CTSO: variants seen among roughly 807,000 people sequenced by gnomAD.
CTSO encodes the protein cathepsin O.
CTSO carries 40 observed loss-of-function variants against 42.4 expected under a neutral mutation model. That is an observed-to-expected ratio of 0.94 (90% confidence interval 0.73 to 1.23). CTSO has a LOEUF of 1.23. CTSO is among the 50% of genes most tolerant of loss of function. The pLI is 0.00. For missense variants in CTSO, 441 were observed against 396.0 expected (o/e 1.11, Z -0.96); for synonymous variants, 156 against 146.2 (o/e 1.07, Z -0.48).
chr4:155,940,846 A>G (rs1198207816), intron 3 of CTSO, among the ~76,000 whole-genome samples: 3 of 151,838 alleles, frequency 2.0e-5, no homozygotes, highest in African/African-American at 4.8e-5. Flanking sequence ...CCGTCTCAAA[A>G]AAAAAAAAGA....
chr4:155,935,851 GAGTTTAATCTTCAATATAAACAAGAT>G (rs1743320363), intron 5 of CTSO, among the ~76,000 whole-genome samples: 1 of 152,142 alleles, frequency 6.6e-6, no homozygotes, highest in African/African-American at 2.4e-5. Context: ...TGCACTGTTA[GAGTTTAATCTTCAATATAAACAAGAT>G]ATTTTGATTG....
chr4:155,934,633 G>A (rs764273522), intron 5 of CTSO, among the ~76,000 whole-genome samples: 3 of 152,218 alleles, frequency 2.0e-5, no homozygotes, highest in Non-Finnish European at 2.9e-5. Context: ...TGACTTGGAT[G>A]TGAGATCTGG....
chr4:155,924,176 G>C lies in CTSO; in HGVS notation c.*1860C>G, dbSNP rs1458243602. 2 of 152,162 alleles carry C rather than the reference G, an allele frequency of 1.3e-5. No homozygotes were observed. Among genetic ancestry groups the C allele is most frequent in the African/African-American group, 4.8e-5 (2 of 41,444 alleles). 9.4% of individuals were successfully genotyped at this position (152,162 alleles called of 1,614,324 possible). On this transcript the variant is annotated 3_prime_UTR_variant, in exon 8 of 8. Coordinates refer to ENST00000433477, the MANE Select transcript of CTSO (RefSeq NM_001334.3). Reference sequence around the variant, plus strand: ...TTATTGTAAATGTCATCAAAATCCAGAACAGCAGAAACATATTAATCAGTT... The same window carrying C: ...TTATTGTAAATGTCATCAAAATCCACAACAGCAGAAACATATTAATCAGTT...
intron 4 of CTSO, among the ~76,000 whole-genome samples, chr4:155,938,696 G>T (rs1743373712): frequency 6.6e-6 from 1 of 152,114 alleles, no homozygotes; most frequent in African/African-American, 2.4e-5. Context: ...GGAGGCTGAG[G>T]CGGGTGGATC....
At chr4:155,948,448 AAT>A (rs1743586886) in intron 1 of CTSO, among the ~76,000 whole-genome samples, 1 of 152,002 alleles carries the variant, frequency 6.6e-6, no homozygotes, top group African/African-American at 2.4e-5. Context: ...ATTTAAATGT[AAT>A]ATGTTTCTAA....
intron 1 of CTSO, among the ~76,000 whole-genome samples, chr4:155,943,926 T>G (rs1329963809): frequency 1.3e-5 from 2 of 152,222 alleles, no homozygotes; most frequent in African/African-American, 2.4e-5. Flanking sequence ...TAAGCTTATC[T>G]TTTATATATA....
intron 1 of CTSO, among the ~76,000 whole-genome samples, chr4:155,946,877 A>G (rs62326189): frequency 1.3e-4 from 20 of 152,138 alleles, no homozygotes; most frequent in Non-Finnish European, 2.6e-4. Context: ...TATTATTTTG[A>G]GGCGGATTCT....
At chr4:155,952,663 CG>C (rs1035188035) in intron 1 of CTSO, among the ~76,000 whole-genome samples, 2 of 152,108 alleles carry the variant, frequency 1.3e-5, no homozygotes, top group African/African-American at 4.8e-5. Context: ...TTGGACAAAA[CG>C]TAAGAGTGGA....
At position 155,925,986 on chromosome 4, in the gene CTSO, C is replaced by A. The variant is rs746480083; in HGVS notation, c.*50G>T. 78 of 1,499,382 alleles carry A rather than the reference C, an allele frequency of 5.2e-5. No homozygotes were observed. The South Asian group carries it at 8.3e-4, about 16-fold the overall frequency. 92.9% of individuals were successfully genotyped at this position (1,499,382 alleles called of 1,614,324 possible). Reference sequence around the variant, plus strand: ...TACTTTGAAGTACTATGTTACATTGCATTATGAAAACCTTCATTTTTGTAG... The same window carrying A: ...TACTTTGAAGTACTATGTTACATTGAATTATGAAAACCTTCATTTTTGTAG... On this transcript the variant is annotated 3_prime_UTR_variant, in exon 8 of 8. Coordinates refer to ENST00000433477, the MANE Select transcript of CTSO (RefSeq NM_001334.3).
At chr4:155,927,972 G>A (rs1449571477) in intron 7 of CTSO, among the ~76,000 whole-genome samples, 2 of 152,016 alleles carry the variant, frequency 1.3e-5, no homozygotes, top group East Asian at 3.9e-4. Context: ...TTATAATACA[G>A]AAATTAAGAA....
rs984773235 is a variant in CTSO, at chr4:155,953,863, C to T, written c.-16G>A. 5 of 1,264,810 alleles carry T rather than the reference C, an allele frequency of 4.0e-6. No homozygotes were observed. Among genetic ancestry groups the T allele is most frequent in the Admixed American group, 8.4e-5 (2 of 23,814 alleles). The allele number at this position is 1,264,810 out of a possible 1,614,324, so 78.3% of individuals were successfully genotyped here. ...GCACGTCCATTGCGGCGCCCGGCTC[C>T]TCTGCCGCCCGCGCGGCCTGTTTTC... On this transcript the variant is annotated 5_prime_UTR_variant, in exon 1 of 8. Coordinates refer to ENST00000433477, the MANE Select transcript of CTSO (RefSeq NM_001334.3).
At chr4:155,930,335 A>G (rs1425863634) in intron 5 of CTSO, among the ~76,000 whole-genome samples, 1 of 152,244 alleles carries the variant, frequency 6.6e-6, no homozygotes, top group East Asian at 1.9e-4. Context: ...TGGCTAATAT[A>G]ATTATACAAT....
chr4:155,948,373 T>TTG lies in CTSO; in HGVS notation c.136-5111_136-5110dup, dbSNP rs55984712. Among the ~76,000 whole-genome samples the TTG allele has an allele frequency of 8.2e-3, 1,243 of 151,072 alleles. 11 individuals are homozygous for TTG. The highest frequency in any genetic ancestry group is 0.026 in the African/African-American group (1,081 of 41,124). On this transcript the variant is annotated intron_variant, in intron 1 of 7. Transcript: ENST00000433477. ...GAGGTAGAATCTCTTAAAGCTGCCT[T>TTG]TGTGTGTGTGTGTGTGTGTGTGTGT...
intron 1 of CTSO, 90 bp from the exon 2 acceptor site, chr4:155,943,354 A>T: frequency 1.4e-6 from 1 of 693,472 alleles, no homozygotes; most frequent in Non-Finnish European, 2.5e-6. Context: ...TTTTTCAATT[A>T]TAAAGTTAAA....
chr4:155,948,071 T>TG (rs11444505), intron 1 of CTSO, among the ~76,000 whole-genome samples: 45,799 of 151,508 alleles, frequency 0.3, 7,025 homozygotes, highest in South Asian at 0.34. Flanking sequence ...TCACCTTTTT[T>TG]TTGTTGTTGT....
rs938408508 is a variant in CTSO, at chr4:155,953,768, G to T, written c.80C>A (p.Ala27Asp). 2.7e-5 allele frequency: 36 copies of T among 1,336,232 alleles called. No homozygotes were observed. Among genetic ancestry groups the T allele is most frequent in the Admixed American group, 3.1e-5 (1 of 31,770 alleles). The allele number at this position is 1,336,232 out of a possible 1,614,324, so 82.8% of individuals were successfully genotyped here. ...CRGGGDADSR[A>D]PFTPTWPRSR... ...CCGCGGCCAGGTCGGGGTGAAGGGG[G>T]CGCGGGAGTCCGCATCGCCGCCGCC... The change falls in exon 1 of 8, where the codon GCC (alanine) becomes GAC (aspartate). Residue 27 changes from alanine (A) to aspartate (D), a missense_variant. Physicochemically the swap from Ala to Asp is moderately radical, Grantham distance 126. Transcript: ENST00000433477.
Position 155,953,808 on chromosome 4 carries a change from A to AGAG in CTSO, c.39_40insCTC (p.Leu13dup). ...TCGCCGCCGCCCCGGCACAGCAGCCACAGCAGCCACGGCAGCCACGGCAGC... is the reference window on the plus strand; with the variant it reads ...TCGCCGCCGCCCCGGCACAGCAGCCAGAGCAGCAGCCACGGCAGCCACGGCAGC... On this transcript the variant is annotated inframe_insertion, in exon 1 of 8. Coordinates refer to ENST00000433477, the MANE Select transcript of CTSO (RefSeq NM_001334.3). 7.4e-7 allele frequency: 1 copy of AGAG among 1,348,976 alleles called. No individual in the cohort carries two copies. The allele number at this position is 1,348,976 out of a possible 1,614,324, so 83.6% of individuals were successfully genotyped here. A position where few individuals can be genotyped will look rare whatever the true frequency, so the allele number is the denominator to read the frequency against.
At chr4:155,951,396 G>A (rs964798928) in intron 1 of CTSO, among the ~76,000 whole-genome samples, 3 of 152,194 alleles carry the variant, frequency 2.0e-5, no homozygotes, top group Non-Finnish European at 4.4e-5. Flanking sequence ...AGCACTGGAA[G>A]TTTCTAAAGG....
At chr4:155,938,513 CA>C (rs1443580372) in intron 4 of CTSO, among the ~76,000 whole-genome samples, 1 of 152,122 alleles carries the variant, frequency 6.6e-6, no homozygotes, top group Non-Finnish European at 1.5e-5. Flanking sequence ...CGCTGAGGGA[CA>C]CTGGGGTATA....
Sources: gnomAD v4.1 joint callset for allele counts (sites outside exome capture counted in the v4.1 genomes callset) on GRCh38, gnomAD v4.1.1 for gene constraint, MANE v1.5 for transcripts, NCBI Gene and HGNC (gene_info 2026-07-23, HGNC 2026-07-21) for gene names.